Variants in PTK6 observed in about 807,000 individuals in gnomAD.
The protein encoded by PTK6 is protein-tyrosine kinase 6.
PTK6 carries 47 observed loss-of-function variants against 47.5 expected under a neutral mutation model. The ratio of observed to expected loss-of-function variants is 0.99; its 90% CI spans 0.78 to 1.26. The LOEUF (loss-of-function observed/expected upper bound fraction) is 1.26, where lower values mean the gene tolerates loss of function less well. Ranked by LOEUF, PTK6 falls within the 50% of genes most tolerant of loss-of-function variation. PTK6 has a pLI of 0.00. For synonymous variants in PTK6, 287 were observed against 276.5 expected, an observed-to-expected ratio of 1.04 and a Z score of -0.38; for missense variants, 618 against 625.3, an observed-to-expected ratio of 0.99 and a Z score of 0.12.
intron 5 of PTK6, among the ~76,000 whole-genome samples, chr20:63,531,490 C>T (rs1457849558): frequency 2.1e-5 from 3 of 143,340 alleles, no homozygotes; most frequent in Non-Finnish European, 3.0e-5. Flanking sequence ...TGACAGGTGC[C>T]TGTAATCTCA....
chr20:63,532,322 TATGTCTGTGTGC>T (rs2082629508), intron 5 of PTK6, among the ~76,000 whole-genome samples, 192 bp downstream of exon 5: 1 of 119,674 alleles, frequency 8.4e-6, no homozygotes, highest in Non-Finnish European at 1.5e-5. Context: ...TGTGCATGTG[TATGTCTGTGTGC>T]ATGTGTGTGT....
intron 5 of PTK6, among the ~76,000 whole-genome samples, chr20:63,531,420 C>CA (rs1157854507): frequency 0.014 from 626 of 45,692 alleles, 28 homozygotes; most frequent in African/African-American, 0.038. Context: ...GACTCCGTCT[C>CA]AAAAAAAAAA....
chr20:63,530,358 C>T lies in PTK6; in HGVS notation c.1015-127G>A. ...TGATGACCCCACTGTCTGACCCACG[C>T]ACGGCCGCTGCAGCTAAGGCCACAC... is the stretch of plus-strand genomic sequence containing the variant. On this transcript the variant is annotated intron_variant, in intron 6 of 7. Coordinates refer to ENST00000542869, the MANE Select transcript of PTK6 (RefSeq NM_005975.4). The surrounding 1 kb of genome is among the most constrained non-coding windows in gnomAD (Gnocchi z 4.1). 8.0e-7 allele frequency: 1 copy of T among 1,251,274 alleles called. No individual in the cohort carries two copies. Among genetic ancestry groups the T allele is most frequent in the South Asian group, 1.4e-5 (1 of 70,910 alleles). The allele number at this position is 1,251,274 out of a possible 1,614,324, so 77.5% of individuals were successfully genotyped here.
intron 5 of PTK6, among the ~76,000 whole-genome samples, chr20:63,531,707 C>T (rs150891764): frequency 1.3e-5 from 2 of 151,872 alleles, no homozygotes; most frequent in African/African-American, 4.8e-5. Context: ...AGGAGCTGGA[C>T]GCAGAAGGAC....
At position 63,530,011 on chromosome 20, in the gene PTK6, C is replaced by T; in HGVS notation, c.1168+67G>A. 1 of 1,576,588 alleles carries T rather than the reference C, an allele frequency of 6.3e-7. No homozygotes were observed. The highest frequency in any genetic ancestry group is 8.7e-7 in the Non-Finnish European group (1 of 1,154,422). ...GTGGGGGAGGCACCCCCCAGCGTCC[C>T]TGCCGGCTACCCAGGACCTCCCCCA... On this transcript the variant is annotated intron_variant, in intron 7 of 7. Transcript: ENST00000542869. The surrounding 1 kb of genome is among the most constrained non-coding windows in gnomAD (Gnocchi z 4.1).
At position 63,530,768 on chromosome 20, in the gene PTK6, A is replaced by C; in HGVS notation, c.992T>G (p.Phe331Cys). 4 of 1,613,732 alleles carry C rather than the reference A, an allele frequency of 2.5e-6. No homozygotes were observed. Among genetic ancestry groups the C allele is most frequent in the Non-Finnish European group, 3.4e-6 (4 of 1,179,876 alleles). ...GENTLCKVGD[F>C]GLARLIKEDV... ...TACCTTGATAAGCCTGGCTAACCCG[A>C]AGTCCCCAACTTTGCAGAGGGTGTT... The change falls in exon 6 of 8, where the codon TTC becomes TGC. Residue 331 changes from phenylalanine to cysteine, a missense_variant. Transcript: ENST00000542869. This position sits in a 1 kb window ranked among gnomAD's most constrained non-coding sequence, Gnocchi z 4.1.
rs1406356639 is a variant in PTK6 at position 63,529,563 on chromosome 20, G to C, written c.1329C>G (p.Ser443Arg). ...CFKALRERLS[S>R]FTSYENPT ...AGGTCGGGTTCTCGTAGCTGGTGAA[G>C]CTGGAGAGCCTCTCCCGCAGGGCCT... The change falls in exon 8 of 8, where the codon AGC (serine) becomes AGG (arginine). Residue 443 changes from serine to arginine, a missense_variant. Physicochemically the swap from Ser to Arg is moderately radical, Grantham distance 110 (BLOSUM62 -1). Coordinates refer to ENST00000542869, the MANE Select transcript of PTK6 (RefSeq NM_005975.4). This position sits in a 1 kb window ranked among gnomAD's most constrained non-coding sequence, Gnocchi z 5.6. The C allele has an allele frequency of 1.4e-5, 22 of 1,574,150 alleles. No individual in the cohort carries two copies. Among genetic ancestry groups the C allele is most frequent in the Non-Finnish European group, 1.8e-5 (21 of 1,159,978 alleles).
intron 1 of PTK6, among the ~76,000 whole-genome samples, chr20:63,536,421 G>A (rs1301385969): frequency 6.0e-5 from 9 of 149,270 alleles, no homozygotes; most frequent in Non-Finnish European, 8.9e-5. Flanking sequence ...TTGTTGCTTG[G>A]GTCCCCCGGG....
At position 63,530,894 on chromosome 20, in the gene PTK6, A is replaced by G. The variant is rs2082613186; in HGVS notation, c.866T>C (p.Leu289Pro). 6.2e-7 allele frequency: 1 copy of G among 1,613,374 alleles called. No individual in the cohort carries two copies. The highest frequency in any genetic ancestry group is 8.5e-7 in the Non-Finnish European group (1 of 1,179,750). Reference protein sequence around the residue: ...SDEKVLPVSELLDIAWQVAEG... With the variant: ...SDEKVLPVSEPLDIAWQVAEG... ...AGCCACCTGCCAGGCGATGTCCAGC[A>G]GCTCCGAAACGGGCAGGACTTTCTC... The change falls in exon 6 of 8, where the codon CTG becomes CCG. Residue 289 changes from leucine to proline, a missense_variant. Transcript: ENST00000542869. The surrounding 1 kb of genome is among the most constrained non-coding windows in gnomAD (Gnocchi z 4.1).
In PTK6 at chr20:63,528,250, A is replaced by G. The variant is rs1032746556; in HGVS notation, c.*1286T>C. The G allele has an allele frequency of 2.0e-5, 3 of 152,206 alleles. No individual in the cohort carries two copies. Among genetic ancestry groups the G allele is most frequent in the Non-Finnish European group, 4.4e-5 (3 of 68,038 alleles). The allele number at this position is 152,206 out of a possible 1,614,324, so 9.4% of individuals were successfully genotyped here. ...CGTAAATAGAACCTCCAGAAGACTT[A>G]GTGTGACTTACTATTTCACACGCTT... On this transcript the variant is annotated 3_prime_UTR_variant, in exon 8 of 8. Transcript: ENST00000542869.
intron 1 of PTK6, 120 bp downstream of exon 1, chr20:63,536,965 A>C (rs1048993945): frequency 9.4e-7 from 1 of 1,066,488 alleles, no homozygotes; most frequent in Non-Finnish European, 1.3e-6. Context: ...TTTGGGGTGC[A>C]GGAAGATGGA....
At chr20:63,532,177 CTG>C (rs772983720) in intron 5 of PTK6, among the ~76,000 whole-genome samples, 26 of 144,788 alleles carry the variant, frequency 1.8e-4, no homozygotes, top group South Asian at 4.6e-4. Flanking sequence ...GTGTGTGTGT[CTG>C]TGTGTGTCCG....
At chr20:63,531,453 T>G (rs2082620051) in intron 5 of PTK6, among the ~76,000 whole-genome samples, 1 of 120,400 alleles carries the variant, frequency 8.3e-6, no homozygotes, top group Non-Finnish European at 1.6e-5. Context: ...TATATATATA[T>G]ATATATATAT....
intron 1 of PTK6, among the ~76,000 whole-genome samples, chr20:63,536,840 G>A (rs1275475950): frequency 6.6e-6 from 1 of 152,230 alleles, no homozygotes; most frequent in Non-Finnish European, 1.5e-5. Context: ...GCCCAAGGCA[G>A]GGGCCGTGCC....
At position 63,529,951 on chromosome 20, in the gene PTK6, G is replaced by A. The variant is rs1043909519; in HGVS notation, c.1168+127C>T. On this transcript the variant is annotated intron_variant, in intron 7 of 7. Transcript: ENST00000542869. The surrounding 1 kb of genome is among the most constrained non-coding windows in gnomAD (Gnocchi z 5.6). ...GCTCAGAGAATGGTGCAGGTGTGGA[G>A]TTCAGGCGATGGCCCGCGGAGGGCC... The A allele has an allele frequency of 1.6e-5, 20 of 1,259,806 alleles. No individual in the cohort carries two copies. Among genetic ancestry groups the A allele is most frequent in the Non-Finnish European group, 2.1e-5 (19 of 919,240 alleles). 78.0% of individuals were successfully genotyped at this position (1,259,806 alleles called of 1,614,324 possible).
Position 63,537,223 on chromosome 20 carries a change from G to C in PTK6, c.92C>G (p.Ala31Gly). The C allele has an allele frequency of 6.2e-7, 1 of 1,612,340 alleles. No individual in the cohort carries two copies. The highest frequency in any genetic ancestry group is 8.5e-7 in the Non-Finnish European group (1 of 1,179,798). The change falls in exon 1 of 8, where the codon GCG becomes GGG. Residue 31 changes from alanine (A) to glycine (G), a missense_variant. By Grantham distance (60) the Ala-to-Gly change is moderately conservative. Coordinates refer to ENST00000542869, the MANE Select transcript of PTK6 (RefSeq NM_005975.4). ...SRTDEELSFR[A>G]GDVFHVARKE... ...CCTGGCCACGTGGAAGACGTCCCCC[G>C]CGCGGAAGCTCAGCTCCTCGTCCGT...
chr20:63,532,869 C>T (rs1569011826), intron 4 of PTK6, among the ~76,000 whole-genome samples, 182 bp from the exon 5 acceptor site: 1 of 152,238 alleles, frequency 6.6e-6, no homozygotes, highest in Admixed American at 6.5e-5. Context: ...ATGCAGCCGG[C>T]CCCACAGGGC....
chr20:63,533,437 T>G lies in PTK6; in HGVS notation c.670+114A>C. On this transcript the variant is annotated intron_variant, in intron 4 of 7. Transcript: ENST00000542869. This position sits in a 1 kb window ranked among gnomAD's most constrained non-coding sequence, Gnocchi z 4.0. ...CAATTGAAAGGGAACCACTCTCGCA[T>G]GGACGCTGTGGGTGCTGCTTGGGGC... is the stretch of plus-strand genomic sequence containing the variant. 5 of 1,289,968 alleles carry G rather than the reference T, an allele frequency of 3.9e-6. No homozygotes were observed. In the South Asian group the frequency reaches 6.3e-5, roughly 16 times the overall value. The allele number at this position is 1,289,968 out of a possible 1,614,324, so 79.9% of individuals were successfully genotyped here.
At chr20:63,535,771 CCCT>C (rs2082660322) in intron 1 of PTK6, among the ~76,000 whole-genome samples, 2 of 115,730 alleles carry the variant, frequency 1.7e-5, no homozygotes, top group African/African-American at 4.0e-5. Flanking sequence ...CCCGCCCCCC[CCCT>C]CACCTGGCCT....
Sources: allele counts gnomAD v4.1 joint callset (sites outside exome capture counted in the v4.1 genomes callset), GRCh38; gene constraint gnomAD v4.1.1; non-coding constraint Gnocchi (gnomAD v3.1); transcripts MANE v1.5; gene names NCBI Gene and HGNC (gene_info 2026-07-23, HGNC 2026-07-21).